The following KCNK2 variants were observed in gnomAD, a reference collection of about 807,000 sequenced individuals.
The protein encoded by KCNK2 is potassium channel subfamily K member 2.
Under a neutral mutation model 40.5 loss-of-function variants are expected in KCNK2, and 21 were observed. That is an observed-to-expected ratio of 0.52 (90% CI 0.37 to 0.75). KCNK2 has a LOEUF of 0.75. KCNK2 is among the 30% of genes least tolerant of loss of function. KCNK2 has a pLI of 0.00. For synonymous variants in KCNK2, 191 were observed against 202.2 expected, an observed-to-expected ratio of 0.94 and a Z score of 0.47; for missense variants, 399 against 531.6, an observed-to-expected ratio of 0.75 and a Z score of 2.45.
intron 1 of KCNK2, among the ~76,000 whole-genome samples, chr1:215,030,537 C>T (rs1018169980): frequency 6.7e-6 from 1 of 149,654 alleles, no homozygotes; most frequent in African/African-American, 2.5e-5. Flanking sequence ...TCTATGTTAC[C>T]TATCTTTTTT....
At chr1:215,052,622 G>A (rs1259978722) in intron 1 of KCNK2, among the ~76,000 whole-genome samples, 1 of 152,160 alleles carries the variant, frequency 6.6e-6, no homozygotes, top group East Asian at 1.9e-4. Context: ...CAGAGATGCT[G>A]CTAAATATCC....
intron 3 of KCNK2, among the ~76,000 whole-genome samples, chr1:215,140,827 T>G (rs1662140230): frequency 6.6e-6 from 1 of 152,140 alleles, no homozygotes; most frequent in Non-Finnish European, 1.5e-5. Flanking sequence ...TTTTCTCTCT[T>G]CAATAATAAA....
chr1:215,194,314 G>A (rs1664781603), intron 5 of KCNK2, among the ~76,000 whole-genome samples: 1 of 151,696 alleles, frequency 6.6e-6, no homozygotes, highest in Non-Finnish European at 1.5e-5. Flanking sequence ...TGAGAGCTAC[G>A]GTTTTATTTT....
intron 2 of KCNK2, among the ~76,000 whole-genome samples, chr1:215,101,566 G>A (rs1453503660): frequency 6.6e-6 from 1 of 151,916 alleles, no homozygotes. Context: ...AGACCTGGTA[G>A]GACAAGTGGT....
In KCNK2 at chr1:215,043,898, G is replaced by A. The variant is rs558035758; in HGVS notation, c.34+37943G>A. On this transcript the variant is annotated intron_variant, in intron 1 of 6. Coordinates refer to the KCNK2 transcript ENST00000391895. ...CCCAAATTGACTTAGCAGCATTAACGACAAATGCAAGAAATCTGTAGATGA... is the reference window on the plus strand; with the variant it reads ...CCCAAATTGACTTAGCAGCATTAACAACAAATGCAAGAAATCTGTAGATGA... Among the ~76,000 whole-genome samples, 9 of 152,136 alleles carry A rather than the reference G, an allele frequency of 5.9e-5. No individual in the cohort carries two copies. The East Asian group carries it at 1.5e-3, about 26-fold the overall frequency.
intron 5 of KCNK2, among the ~76,000 whole-genome samples, chr1:215,178,111 G>GT (rs1438322803): frequency 6.6e-6 from 1 of 151,446 alleles, no homozygotes; most frequent in Non-Finnish European, 1.5e-5. Flanking sequence ...ATGTATTCCT[G>GT]TTTTTTTGTG....
chr1:215,010,617 C>G (rs1041970825), intron 1 of KCNK2, among the ~76,000 whole-genome samples: 6 of 152,110 alleles, frequency 3.9e-5, no homozygotes, highest in Admixed American at 3.9e-4. Context: ...TGTTTTGTTT[C>G]CATTAGGCTG....
chr1:215,073,151 A>T (rs1482137184), intron 1 of KCNK2, among the ~76,000 whole-genome samples: 52 of 152,090 alleles, frequency 3.4e-4, no homozygotes. Flanking sequence ...AACACCAAGG[A>T]TTGCTGGTAA....
At chr1:215,069,349 CAG>C (rs1658669556) in intron 1 of KCNK2, among the ~76,000 whole-genome samples, 1 of 152,192 alleles carries the variant, frequency 6.6e-6, no homozygotes, top group Non-Finnish European at 1.5e-5. Flanking sequence ...CTTTCTGGAA[CAG>C]AGGGGCTGGA....
chr1:215,158,348 A>G (rs1055006159), intron 3 of KCNK2, among the ~76,000 whole-genome samples: 2 of 152,228 alleles, frequency 1.3e-5, no homozygotes, highest in African/African-American at 2.4e-5. Flanking sequence ...ATGTAAATAG[A>G]CTTCCTGAGG....
Position 215,083,092 on chromosome 1 carries a change from C to A in KCNK2, c.-294C>A. 2 of 450,396 alleles carry A rather than the reference C, an allele frequency of 4.4e-6. No individual in the cohort carries two copies. The highest frequency in any genetic ancestry group is 7.7e-6 in the Non-Finnish European group (2 of 261,196). The allele number at this position is 450,396 out of a possible 1,614,324, so 27.9% of individuals were successfully genotyped here. ...GGTGACCCGGGCCCGGCAGCAGGCGCGCGCGGGGGCGGCGGCGCCCAAGCC... is the reference window on the plus strand; with the variant it reads ...GGTGACCCGGGCCCGGCAGCAGGCGAGCGCGGGGGCGGCGGCGCCCAAGCC... On this transcript the variant is annotated 5_prime_UTR_variant, in exon 1 of 7. Transcript: ENST00000444842.
chr1:215,129,880 C>T (rs1354278569), intron 3 of KCNK2, among the ~76,000 whole-genome samples: 2 of 152,240 alleles, frequency 1.3e-5, no homozygotes, highest in Non-Finnish European at 2.9e-5. Flanking sequence ...AGCAGAAGAC[C>T]ATTGAAAAAT....
At chr1:215,026,866 G>T (rs1657018595) in intron 1 of KCNK2, among the ~76,000 whole-genome samples, 1 of 151,902 alleles carries the variant, frequency 6.6e-6, no homozygotes, top group Admixed American at 6.6e-5. Flanking sequence ...CCTTATCTTA[G>T]GAAGACTAAT....
intron 3 of KCNK2, among the ~76,000 whole-genome samples, chr1:215,145,631 T>C (rs2102605851): frequency 6.6e-6 from 1 of 152,328 alleles, no homozygotes; most frequent in South Asian, 2.1e-4. Flanking sequence ...GTTCTATCAG[T>C]TTACTGCTAT....
intron 3 of KCNK2, among the ~76,000 whole-genome samples, chr1:215,160,691 G>T (rs1312521247): frequency 1.3e-5 from 2 of 151,888 alleles, no homozygotes; most frequent in Non-Finnish European, 2.9e-5. Flanking sequence ...TTTATAACCA[G>T]TCTCTTTGAG....
chr1:215,131,027 ATTT>A lies in KCNK2; in HGVS notation c.475+6281_475+6283del, dbSNP rs760122012. Among the ~76,000 whole-genome samples the A allele has an allele frequency of 1.1e-4, 16 of 150,606 alleles. No homozygotes were observed. The East Asian group carries it at 1.6e-3, about 15-fold the overall frequency. The stretch of plus-strand genomic sequence containing the variant: ...AGGCGCCCGCCACTGCGCCCGGCTA[ATTT>A]TTTGTATTTTTAGTAGAGACGGGGT... On this transcript the variant is annotated intron_variant, in intron 3 of 6. Coordinates refer to ENST00000444842, the MANE Select transcript of KCNK2 (RefSeq NM_001017425.3).
At chr1:215,119,351 A>T in intron 2 of KCNK2, among the ~76,000 whole-genome samples, 1 of 152,214 alleles carries the variant, frequency 6.6e-6, no homozygotes, top group Non-Finnish European at 1.5e-5. Flanking sequence ...TACAATTCAA[A>T]AATCCACAAA....
intron 3 of KCNK2, among the ~76,000 whole-genome samples, chr1:215,140,455 A>G (rs1346226737): frequency 6.6e-6 from 1 of 152,162 alleles, no homozygotes; most frequent in Admixed American, 6.6e-5. Context: ...GTGAACTTAC[A>G]CAAACCTAGA....
chr1:215,087,949 C>T (rs1430181686), intron 2 of KCNK2, among the ~76,000 whole-genome samples: 2 of 152,106 alleles, frequency 1.3e-5, no homozygotes, highest in Admixed American at 1.3e-4. Context: ...TAGTTTCTAC[C>T]GCATTCAGAA....
Sources: allele counts gnomAD v4.1 joint callset (sites outside exome capture counted in the v4.1 genomes callset), GRCh38; gene constraint gnomAD v4.1.1; transcripts MANE v1.5; gene names NCBI Gene and HGNC (gene_info 2026-07-23, HGNC 2026-07-21).